DDAH1: variants seen among roughly 807,000 people sequenced by gnomAD.
DDAH1 encodes N(G),N(G)-dimethylarginine dimethylaminohydrolase 1.
Under a neutral mutation model 28.8 loss-of-function variants are expected in DDAH1, and 19 were observed. That is an observed-to-expected ratio of 0.66 (90% confidence interval 0.46 to 0.97). The LOEUF (loss-of-function observed/expected upper bound fraction) is 0.97, where lower values mean the gene tolerates loss of function less well. Among genes scored for constraint, DDAH1 ranks in the 50% least tolerant of loss-of-function variants. DDAH1 has a pLI of 0.00. For synonymous variants in DDAH1, 153 were observed against 154.4 expected, an observed-to-expected ratio of 0.99 and a Z score of 0.07; for missense variants, 326 against 375.9, an observed-to-expected ratio of 0.87 and a Z score of 1.10.
chr1:85,560,794 T>C (rs1234519296), intron 1 of DDAH1, among the ~76,000 whole-genome samples: 1 of 152,116 alleles, frequency 6.6e-6, no homozygotes, highest in Non-Finnish European at 1.5e-5. Flanking sequence ...GCAACCTATT[T>C]TGAAAAAGTG....
chr1:85,549,901 C>T (rs17127873), intron 1 of DDAH1, among the ~76,000 whole-genome samples: 3,012 of 152,218 alleles, frequency 0.02, 107 homozygotes, highest in African/African-American at 0.069. Context: ...ATTAACACTT[C>T]GACTGGGGAT....
intron 1 of DDAH1, among the ~76,000 whole-genome samples, chr1:85,441,069 C>T (rs575156880): frequency 1.3e-5 from 2 of 152,356 alleles, no homozygotes; most frequent in South Asian, 4.1e-4. Flanking sequence ...TTTTTAGAGC[C>T]TCACTATCCT....
At chr1:85,465,261 G>C, upstream of DDAH1, 1 of 1,058,298 alleles carries the variant, frequency 9.4e-7, no homozygotes, top group Non-Finnish European at 1.1e-6. Context: ...CGCCCACTCC[G>C]GCGCTCGCGG....
rs541781153 is a variant in DDAH1 at position 85,423,169 on chromosome 1, C to T, written c.303+41574G>A. The stretch of plus-strand genomic sequence containing the variant: ...CACCAATATACACTGTACTGATTAC[C>T]GTGACTTTATAGGAAATCTGGAGAT... On this transcript the variant is annotated intron_variant, in intron 1 of 5. Transcript: ENST00000284031. Among the ~76,000 whole-genome samples the T allele has an allele frequency of 9.2e-5, 14 of 152,222 alleles. No individual in the cohort carries two copies. In the South Asian group the frequency reaches 1.5e-3, roughly 16 times the overall value.
intron 1 of DDAH1, among the ~76,000 whole-genome samples, chr1:85,558,042 A>G (rs1334376457): frequency 6.6e-6 from 1 of 152,098 alleles, no homozygotes; most frequent in African/African-American, 2.4e-5. Flanking sequence ...AGACAAAGAA[A>G]ATGCACTTGG....
At chr1:85,418,918 C>G (rs947445892) in intron 1 of DDAH1, among the ~76,000 whole-genome samples, 1 of 152,186 alleles carries the variant, frequency 6.6e-6, no homozygotes, top group Admixed American at 6.5e-5. Context: ...TTGGCTCCCT[C>G]TATGCCCTCT....
At chr1:85,441,560 G>A (rs1454306792) in intron 1 of DDAH1, among the ~76,000 whole-genome samples, 1 of 152,070 alleles carries the variant, frequency 6.6e-6, no homozygotes, top group East Asian at 1.9e-4. Flanking sequence ...TCAGTTGCTT[G>A]TTCAGGGATA....
chr1:85,561,559 C>T (rs905830593), intron 1 of DDAH1, among the ~76,000 whole-genome samples: 2 of 152,128 alleles, frequency 1.3e-5, no homozygotes, highest in Non-Finnish European at 2.9e-5. Flanking sequence ...TCATATCCTA[C>T]TGTGATCTCT....
At chr1:85,467,865 C>CA (rs2100699232), upstream of DDAH1, among the ~76,000 whole-genome samples, 1 of 152,304 alleles carries the variant, frequency 6.6e-6, no homozygotes, top group East Asian at 1.9e-4. Flanking sequence ...GAAGAGCTCA[C>CA]AATCTCACTA....
chr1:85,542,732 C>T (rs1658507745), intron 1 of DDAH1, among the ~76,000 whole-genome samples: 1 of 152,166 alleles, frequency 6.6e-6, no homozygotes, highest in African/African-American at 2.4e-5. Flanking sequence ...CACATATGAC[C>T]TCCTGTCATT....
chr1:85,523,771 C>A (rs2244753), intron 1 of DDAH1, among the ~76,000 whole-genome samples: 1 of 152,138 alleles, frequency 6.6e-6, no homozygotes, highest in African/African-American at 2.4e-5. Context: ...AAACTAGTTG[C>A]CTAGTTATTT....
intron 2 of DDAH1, among the ~76,000 whole-genome samples, chr1:85,358,364 A>G (rs1051386478): frequency 1.3e-5 from 2 of 152,222 alleles, no homozygotes; most frequent in African/African-American, 4.8e-5. Flanking sequence ...AAACTACTAC[A>G]ATAGGCTGGG....
At chr1:85,419,867 GATTTT>G (rs773703987) in intron 1 of DDAH1, among the ~76,000 whole-genome samples, 52 of 152,216 alleles carry the variant, frequency 3.4e-4, no homozygotes, top group African/African-American at 1.0e-3. Context: ...CAGGAGAGCT[GATTTT>G]ATTTTATTTT....
intron 2 of DDAH1, among the ~76,000 whole-genome samples, chr1:85,352,972 A>C (rs1342037728): frequency 6.6e-6 from 1 of 152,142 alleles, no homozygotes. Context: ...CTGAGGAAAC[A>C]ATCTGGGGAA....
At chr1:85,473,711 C>G (rs991361621) in intron 2 of DDAH1, among the ~76,000 whole-genome samples, 3 of 152,178 alleles carry the variant, frequency 2.0e-5, no homozygotes, top group African/African-American at 7.2e-5. Flanking sequence ...TCTCTCATGA[C>G]TTCTTTTCTT....
At chr1:85,436,533 G>C (rs1653952501) in intron 1 of DDAH1, among the ~76,000 whole-genome samples, 1 of 152,198 alleles carries the variant, frequency 6.6e-6, no homozygotes, top group Admixed American at 6.5e-5. Context: ...ATATGCTATA[G>C]CAATCTGGGA....
intron 1 of DDAH1, among the ~76,000 whole-genome samples, chr1:85,373,448 C>T (rs1650493648): frequency 6.6e-6 from 1 of 152,066 alleles, no homozygotes. Context: ...ATGATTGGAT[C>T]ATGGGGGTGG....
At chr1:85,483,448 G>C (rs1656079639) in intron 2 of DDAH1, among the ~76,000 whole-genome samples, 1 of 152,006 alleles carries the variant, frequency 6.6e-6, no homozygotes, top group Admixed American at 6.6e-5. Context: ...GCTCTCCCCA[G>C]TAAAAAATCT....
chr1:85,503,324 C>T (rs915869883), intron 1 of DDAH1, among the ~76,000 whole-genome samples: 6 of 152,158 alleles, frequency 3.9e-5, no homozygotes, highest in African/African-American at 1.4e-4. Context: ...CCTGCCTCAG[C>T]TTCCTGAGTT....
Sources: gnomAD v4.1 joint callset for allele counts (sites outside exome capture counted in the v4.1 genomes callset) on GRCh38, gnomAD v4.1.1 for gene constraint, MANE v1.5 for transcripts, NCBI Gene and HGNC (gene_info 2026-07-23, HGNC 2026-07-21) for gene names.